The following PDZD2 variants were observed in gnomAD, a reference collection of about 807,000 sequenced individuals.
The protein encoded by PDZD2 is PDZ domain containing 2.
Under a neutral mutation model 220.7 loss-of-function variants are expected in PDZD2, and 90 were observed. The observed-to-expected ratio is 0.41, with a 90% CI of 0.34 to 0.49. The LOEUF (loss-of-function observed/expected upper bound fraction) is 0.49. Ranked by LOEUF, PDZD2 falls within the 20% of genes least tolerant of loss-of-function variation. The pLI is 0.28. For missense variants in PDZD2, 3,174 were observed against 3,608.5 expected (o/e 0.88, Z 3.08); for synonymous variants, 1,375 against 1,450.5 (o/e 0.95, Z 1.18).
At chr5:31,675,753 A>G (rs1018062191) in intron 1 of PDZD2, among the ~76,000 whole-genome samples, 2 of 152,062 alleles carry the variant, frequency 1.3e-5, no homozygotes, top group South Asian at 4.2e-4. Context: ...CTGGAGTGCA[A>G]TGGAGTGATC....
chr5:31,773,426 G>A (rs1211002204), intron 1 of PDZD2, among the ~76,000 whole-genome samples: 1 of 151,056 alleles, frequency 6.6e-6, no homozygotes, highest in Non-Finnish European at 1.5e-5. Flanking sequence ...AACACTTGAG[G>A]TCAGGAGCCC....
intron 7 of PDZD2, among the ~76,000 whole-genome samples, chr5:32,043,104 G>T (rs543880287): frequency 6.6e-6 from 1 of 152,196 alleles, no homozygotes; most frequent in Non-Finnish European, 1.5e-5. Context: ...ATCTTGAAAA[G>T]AATTCTGTTC....
At chr5:31,818,246 A>T (rs952905207) in intron 2 of PDZD2, among the ~76,000 whole-genome samples, 3 of 152,120 alleles carry the variant, frequency 2.0e-5, no homozygotes, top group Non-Finnish European at 4.4e-5. Context: ...TGTTGCGATT[A>T]TAGGCGTGAG....
chr5:31,764,068 CG>C (rs954177895), intron 1 of PDZD2, among the ~76,000 whole-genome samples: 187 of 152,242 alleles, frequency 1.2e-3, no homozygotes, highest in African/African-American at 4.2e-3. Flanking sequence ...CTGCCCGTCA[CG>C]GATGTCCACC....
At chr5:31,706,151 T>G (rs72755420) in intron 1 of PDZD2, among the ~76,000 whole-genome samples, 2 of 152,058 alleles carry the variant, frequency 1.3e-5, no homozygotes, top group African/African-American at 4.8e-5. Flanking sequence ...AACGGCTGAA[T>G]GTAGTAGGTA....
chr5:31,868,445 C>A (rs1186464127), intron 2 of PDZD2, among the ~76,000 whole-genome samples: 1 of 152,080 alleles, frequency 6.6e-6, no homozygotes, highest in Non-Finnish European at 1.5e-5. Flanking sequence ...GACTCCATCT[C>A]AAAATAAATA....
intron 2 of PDZD2, among the ~76,000 whole-genome samples, chr5:31,904,199 T>G (rs1049043593): frequency 2.6e-5 from 4 of 152,200 alleles, no homozygotes; most frequent in African/African-American, 9.7e-5. Context: ...GCTCAATTAA[T>G]AAGAACTTAC....
intron 17 of PDZD2, among the ~76,000 whole-genome samples, 191 bp from the exon 18 acceptor site, chr5:32,073,641 T>C (rs74578874): frequency 0.035 from 5,283 of 151,306 alleles, 308 homozygotes; most frequent in African/African-American, 0.12. Context: ...AAGAGAAAGA[T>C]AGCCCGCCTA....
intron 1 of PDZD2, among the ~76,000 whole-genome samples, chr5:31,737,215 CAG>C (rs1368886593): frequency 7.2e-6 from 1 of 139,260 alleles, no homozygotes; most frequent in Admixed American, 7.7e-5. Flanking sequence ...CGCTGTCTCC[CAG>C]GCTGGAGTGC....
chr5:31,751,341 A>C (rs1750960873), intron 1 of PDZD2, among the ~76,000 whole-genome samples: 1 of 151,936 alleles, frequency 6.6e-6, no homozygotes. Context: ...AGATCAGTTA[A>C]GAGGCCCTTG....
intron 1 of PDZD2, among the ~76,000 whole-genome samples, chr5:31,695,992 A>G (rs1747362927): frequency 6.6e-6 from 1 of 151,436 alleles, no homozygotes; most frequent in South Asian, 2.1e-4. Context: ...TCTTTTTTTC[A>G]CCCTTCTCTA....
rs535556611 is a variant in PDZD2 at position 31,951,159 on chromosome 5, C to T, written c.477-31996C>T. ...ACAGCTCACTGCAGTCTCAACCTCC[C>T]GTGCTCAAGTGATCCTCCCACCCAC... On this transcript the variant is annotated intron_variant, in intron 2 of 24. Coordinates refer to ENST00000438447, the MANE Select transcript of PDZD2 (RefSeq NM_178140.4). Among the ~76,000 whole-genome samples the T allele has an allele frequency of 1.6e-4, 24 of 152,236 alleles. No homozygotes were observed. The South Asian group carries it at 3.3e-3, about 21-fold the overall frequency.
intron 13 of PDZD2, among the ~76,000 whole-genome samples, chr5:32,059,594 G>C (rs1739487750): frequency 6.6e-6 from 1 of 152,188 alleles, no homozygotes; most frequent in East Asian, 1.9e-4. Context: ...TGTTCTATTT[G>C]GTCTCAGAAG....
chr5:32,034,815 G>A (rs964466106), intron 6 of PDZD2, among the ~76,000 whole-genome samples: 4 of 152,140 alleles, frequency 2.6e-5, no homozygotes, highest in Non-Finnish European at 5.9e-5. Flanking sequence ...ATGTGGCCCA[G>A]AGCTCAGGAT....
intron 4 of PDZD2, among the ~76,000 whole-genome samples, chr5:31,996,258 G>A (rs781062733): frequency 2.0e-5 from 3 of 152,028 alleles, no homozygotes; most frequent in Non-Finnish European, 2.9e-5. Context: ...TTCTCCTTGC[G>A]ATCTGAAAAC....
chr5:31,870,457 G>A (rs1738685063), intron 2 of PDZD2, among the ~76,000 whole-genome samples: 1 of 152,132 alleles, frequency 6.6e-6, no homozygotes, highest in African/African-American at 2.4e-5. Context: ...ATGCTTTAGA[G>A]GTCAGCTAAG....
intron 3 of PDZD2, among the ~76,000 whole-genome samples, chr5:31,994,300 G>A (rs994466480): frequency 5.3e-5 from 8 of 150,644 alleles, no homozygotes; most frequent in Middle Eastern, 3.5e-3. Flanking sequence ...GAGCCACCAC[G>A]CCCAGCCTGT....
At chr5:31,822,958 C>G in intron 2 of PDZD2, 1 of 1,087,806 alleles carries the variant, frequency 9.2e-7, no homozygotes, top group Non-Finnish European at 1.4e-6. Flanking sequence ...GTTACCCCAC[C>G]ATTTGTCAAC....
chr5:31,946,524 A>G (rs972023453), intron 2 of PDZD2, among the ~76,000 whole-genome samples: 2 of 152,164 alleles, frequency 1.3e-5, no homozygotes, highest in African/African-American at 4.8e-5. Context: ...CCCCGCCGCC[A>G]TGTCAGAATG....
Sources: gnomAD v4.1 joint callset for allele counts (sites outside exome capture counted in the v4.1 genomes callset) on GRCh38, gnomAD v4.1.1 for gene constraint, MANE v1.5 for transcripts, NCBI Gene and HGNC (gene_info 2026-07-23, HGNC 2026-07-21) for gene names.